The following C8orf34 variants were observed in gnomAD, a reference collection of about 807,000 sequenced individuals.
C8orf34 encodes uncharacterized protein C8orf34.
C8orf34 carries 65 observed loss-of-function variants against 68.3 expected under a neutral mutation model. That is an observed-to-expected ratio of 0.95 (90% confidence interval 0.78 to 1.17). The LOEUF (loss-of-function observed/expected upper bound fraction) is 1.17, where lower values mean the gene tolerates loss of function less well. Among genes scored for constraint, C8orf34 ranks in the 50% most tolerant of loss-of-function variants. C8orf34 has a pLI of 0.00. For synonymous variants in C8orf34, 244 were observed against 241.2 expected (o/e 1.01, Z -0.11); for missense variants, 664 against 655.4 (o/e 1.01, Z -0.14).
intron 7 of C8orf34, among the ~76,000 whole-genome samples, chr8:68,618,485 A>T (rs912303400): frequency 2.6e-5 from 4 of 151,958 alleles, no homozygotes; most frequent in African/African-American, 9.7e-5. Context: ...AAGTAGCTGG[A>T]ACCACAGATG....
chr8:68,351,530 T>G (rs1337518804), intron 1 of C8orf34, among the ~76,000 whole-genome samples: 1 of 152,116 alleles, frequency 6.6e-6, no homozygotes, highest in Non-Finnish European at 1.5e-5. Context: ...GAAGTTTTCA[T>G]GAACAATATC....
At chr8:68,496,397 AAG>A (rs1019592995) in intron 5 of C8orf34, among the ~76,000 whole-genome samples, 5 of 152,340 alleles carry the variant, frequency 3.3e-5, no homozygotes, top group South Asian at 2.1e-4. Flanking sequence ...GAGCAAATTT[AAG>A]AGAGAGGTAA....
At chr8:68,351,064 C>T (rs1056640290) in intron 1 of C8orf34, among the ~76,000 whole-genome samples, 11 of 151,720 alleles carry the variant, frequency 7.3e-5, no homozygotes, top group Middle Eastern at 3.4e-3. Context: ...CACTGGTCTG[C>T]GTGTTTAAAT....
intron 6 of C8orf34, among the ~76,000 whole-genome samples, chr8:68,532,192 CAG>C (rs1815276660): frequency 6.6e-6 from 1 of 152,036 alleles, no homozygotes; most frequent in African/African-American, 2.4e-5. Flanking sequence ...ACAGAAAGAA[CAG>C]AAATATGGGT....
At chr8:68,772,412 C>A (rs576032067) in intron 10 of C8orf34, among the ~76,000 whole-genome samples, 4 of 152,292 alleles carry the variant, frequency 2.6e-5, no homozygotes, top group African/African-American at 7.2e-5. Context: ...TCACTCTCTA[C>A]GATTTTCCAT....
At chr8:68,553,384 CAAAAAAAAAA>C (rs553767784) in intron 7 of C8orf34, among the ~76,000 whole-genome samples, 2 of 13,654 alleles carry the variant, frequency 1.5e-4, no homozygotes, top group African/African-American at 2.7e-4. Context: ...GACTCCATCT[CAAAAAAAAAA>C]AAAAAAAAAA....
At position 68,723,178 on chromosome 8, in the gene C8orf34, G is replaced by A. The variant is rs574239904; in HGVS notation, c.1404+1741G>A. 2.4e-3 allele frequency among the ~76,000 whole-genome samples: 359 copies of A among 152,130 alleles called. 1 individual carries two copies. Among genetic ancestry groups the A allele is most frequent in the Non-Finnish European group, 4.4e-3 (301 of 67,920 alleles). On this transcript the variant is annotated intron_variant, in intron 10 of 13. Coordinates refer to ENST00000518698, the MANE Select transcript of C8orf34 (RefSeq NM_052958.4). ...AGTTTATTCCTGTTTGTTAGATGTT[G>A]TCTTCCATTCCTCACAAACATTGGT...
intron 1 of C8orf34, among the ~76,000 whole-genome samples, chr8:68,435,471 T>C (rs981357830): frequency 6.6e-6 from 1 of 152,026 alleles, no homozygotes; most frequent in African/African-American, 2.4e-5. Flanking sequence ...CAGGGAAGCA[T>C]GTGGTTCTCA....
intron 1 of C8orf34, among the ~76,000 whole-genome samples, chr8:68,419,770 T>C (rs938714560): frequency 2.2e-5 from 3 of 138,652 alleles, no homozygotes; most frequent in Non-Finnish European, 4.5e-5. Context: ...CAAGTGGGAA[T>C]TGAACAGTGA....
At chr8:68,663,984 G>T (rs1819763075) in intron 8 of C8orf34, among the ~76,000 whole-genome samples, 1 of 152,220 alleles carries the variant, frequency 6.6e-6, no homozygotes, top group Admixed American at 6.5e-5. Context: ...TGAATTTTAG[G>T]CTTCTTTTAT....
chr8:68,521,582 A>C (rs772137029), intron 5 of C8orf34, among the ~76,000 whole-genome samples: 3 of 152,164 alleles, frequency 2.0e-5, no homozygotes, highest in Non-Finnish European at 4.4e-5. Flanking sequence ...TTCAAAGCAA[A>C]GATTTCACTC....
chr8:68,463,987 A>G (rs1811982613), intron 3 of C8orf34, among the ~76,000 whole-genome samples: 4 of 152,198 alleles, frequency 2.6e-5, no homozygotes, highest in Admixed American at 1.3e-4. Flanking sequence ...AATTAGGAAA[A>G]GAGGAAGTCA....
rs983293625 is a variant in C8orf34 at position 68,737,199 on chromosome 8, G to A, written c.1404+15762G>A. Among the ~76,000 whole-genome samples the A allele has an allele frequency of 5.3e-5, 8 of 152,172 alleles. No individual in the cohort carries two copies. The East Asian group carries it at 1.5e-3, about 29-fold the overall frequency. ...AGGCAGTATGCCCTTAAAACTCTTA[G>A]TTTAAATTCTTATTTGAAGGAAAAT... is the stretch of plus-strand genomic sequence containing the variant. On this transcript the variant is annotated intron_variant, in intron 10 of 13. Transcript: ENST00000518698.
chr8:68,581,423 A>G (rs977308179), intron 7 of C8orf34, among the ~76,000 whole-genome samples: 10 of 152,052 alleles, frequency 6.6e-5, no homozygotes, highest in Admixed American at 6.6e-4. Context: ...TTTAGGTTTT[A>G]TGGCCTGCTT....
At chr8:68,807,816 GAATT>G (rs1824530500) in intron 12 of C8orf34, among the ~76,000 whole-genome samples, 1 of 152,118 alleles carries the variant, frequency 6.6e-6, no homozygotes, top group African/African-American at 2.4e-5. Context: ...GAGATTATTT[GAATT>G]AAATAAAAAA....
At chr8:68,545,891 A>G (rs946244064) in intron 7 of C8orf34, among the ~76,000 whole-genome samples, 1 of 152,150 alleles carries the variant, frequency 6.6e-6, no homozygotes, top group Admixed American at 6.6e-5. Flanking sequence ...TGTAGTATAG[A>G]GTTTATAATA....
chr8:68,716,127 G>T (rs1240732646), intron 9 of C8orf34, among the ~76,000 whole-genome samples: 1 of 151,910 alleles, frequency 6.6e-6, no homozygotes, highest in Non-Finnish European at 1.5e-5. Flanking sequence ...AGGACGAAAA[G>T]GCATAAGATT....
chr8:68,341,625 C>T (rs1806074403), intron 1 of C8orf34, among the ~76,000 whole-genome samples: 1 of 152,016 alleles, frequency 6.6e-6, no homozygotes, highest in South Asian at 2.1e-4. Context: ...GTGCTGGCCT[C>T]ACGATAGGAG....
intron 8 of C8orf34, among the ~76,000 whole-genome samples, chr8:68,690,523 C>A (rs752511583): frequency 6.0e-4 from 91 of 151,868 alleles, no homozygotes; most frequent in Non-Finnish European, 9.3e-4. Flanking sequence ...TAGGGAGGGC[C>A]CATTTGTCAT....
Sources: allele counts gnomAD v4.1 joint callset (sites outside exome capture counted in the v4.1 genomes callset), GRCh38; gene constraint gnomAD v4.1.1; transcripts MANE v1.5; gene names NCBI Gene and HGNC (gene_info 2026-07-23, HGNC 2026-07-21).